The following MAPK12 variants were observed in gnomAD, a reference collection of about 807,000 sequenced individuals.
MAPK12 encodes MAP kinase 12.
In MAPK12, 49 loss-of-function variants were observed where a neutral mutation model predicts 49.1. That is an observed-to-expected ratio of 1.00 (90% CI 0.79 to 1.27). The LOEUF (loss-of-function observed/expected upper bound fraction) is 1.27. Among genes scored for constraint, MAPK12 ranks in the 50% most tolerant of loss-of-function variants. The pLI is 0.00. For synonymous variants in MAPK12, 251 were observed against 209.7 expected (o/e 1.20, Z -1.70); for missense variants, 554 against 502.4 (o/e 1.10, Z -0.98).
At chr22:50,260,228 G>A (rs962039811) in intron 2 of MAPK12, among the ~76,000 whole-genome samples, 1 of 17,130 alleles carries the variant, frequency 5.8e-5, no homozygotes, top group African/African-American at 2.2e-4. Flanking sequence ...ACCGGGGGAC[G>A]GGGCACTTTG....
chr22:50,259,871 C>A (rs896055107), intron 2 of MAPK12, among the ~76,000 whole-genome samples: 1 of 145,164 alleles, frequency 6.9e-6, no homozygotes, highest in Non-Finnish European at 1.5e-5. Flanking sequence ...GCAACAAGAG[C>A]GAAACTCGGT....
chr22:50,255,829 C>CA lies in MAPK12; in HGVS notation c.671_672insT (p.Leu225AlafsTer24), dbSNP rs2065144388. ...GGATACGGTCGCTGCCCTTGAACAG[C>CA]GTCTTGCCTGTGATCATCTCCGCCA... is the stretch of plus-strand genomic sequence containing the variant. On this transcript the variant is annotated frameshift_variant, in exon 8 of 12. Coordinates refer to ENST00000215659, the MANE Select transcript of MAPK12 (RefSeq NM_002969.6). LOFTEE classifies it high-confidence loss of function. The CA allele has an allele frequency of 1.2e-6, 2 of 1,612,760 alleles. No homozygotes were observed. The highest frequency in any genetic ancestry group is 1.7e-6 in the Non-Finnish European group (2 of 1,180,008).
chr22:50,255,578 G>GCCCCCCCCCCCCCCCCCCACCCCCCCCCC, intron 9 of MAPK12, 37 bp downstream of exon 9: 1 of 1,581,972 alleles, frequency 6.3e-7, no homozygotes, highest in Non-Finnish European at 8.7e-7. Context: ...GCCCAGGTCC[G>GCCCCCCCCCCCCCCCCCCACCCCCCCCCC]CCCCCACCCC....
At chr22:50,260,520 C>T (rs1036599280) in intron 2 of MAPK12, among the ~76,000 whole-genome samples, 5 of 152,126 alleles carry the variant, frequency 3.3e-5, no homozygotes, top group African/African-American at 9.7e-5. Flanking sequence ...GGCAGCTGTA[C>T]GTGGCATCTC....
At chr22:50,258,773 G>C (rs1470915567) in intron 2 of MAPK12, among the ~76,000 whole-genome samples, 4 of 152,264 alleles carry the variant, frequency 2.6e-5, no homozygotes, top group Non-Finnish European at 5.9e-5. Flanking sequence ...TGGGGAGATA[G>C]ACAGTAGACA....
chr22:50,254,913 T>A, intron 11 of MAPK12: 1 of 1,316,848 alleles, frequency 7.6e-7, no homozygotes, highest in Non-Finnish European at 9.8e-7. Flanking sequence ...TCCCTTCAAC[T>A]TCCAGCTCCA....
rs771125320 is a variant in MAPK12, at chr22:50,258,260, C to T, written c.297G>A (p.Leu99=). The part of the protein sequence containing the change: ...LLDVFTPDET[L]DDFTDFYLVM... ...GCACTCACAAGTCCGTGAAGTCATC[C>T]AGGGTCTCATCAGGAGTGAATACGT... is the stretch of plus-strand genomic sequence containing the variant. The change falls in exon 3 of 12, where the codon CTG becomes CTA. Residue 99 remains leucine, a synonymous_variant. Transcript: ENST00000215659. 1 of 1,613,166 alleles carries T rather than the reference C, an allele frequency of 6.2e-7. No homozygotes were observed. The highest frequency in any genetic ancestry group is 8.5e-7 in the Non-Finnish European group (1 of 1,179,994).
chr22:50,257,034 GC>G, intron 4 of MAPK12, 47 bp downstream of exon 4: 2 of 1,603,942 alleles, frequency 1.2e-6, no homozygotes, highest in Non-Finnish European at 1.7e-6. Flanking sequence ...CCTCTGCCCA[GC>G]CCCGAGGCCC....
At chr22:50,261,320 G>T (rs540689293) in intron 1 of MAPK12, 24 bp from the exon 2 acceptor site, 240 of 1,344,774 alleles carry the variant, frequency 1.8e-4, no homozygotes, top group Admixed American at 4.3e-4. Flanking sequence ...CGCTTAGCGG[G>T]AAGGCCGGGC....
intron 11 of MAPK12, chr22:50,254,880 G>A (rs1419260927): frequency 1.0e-5 from 13 of 1,245,670 alleles, no homozygotes; most frequent in African/African-American, 1.5e-5. Context: ...CAGCCTCTGT[G>A]CTGAGCCTGC....
chr22:50,261,361 C>A, intron 1 of MAPK12, 24 bp downstream of exon 1: 1 of 1,131,154 alleles, frequency 8.8e-7, no homozygotes, highest in Non-Finnish European at 1.1e-6. Context: ...GCCCCGCCGG[C>A]CGCCCCGCCC....
chr22:50,261,669 C>A lies in MAPK12; in HGVS notation c.-160G>T. On this transcript the variant is annotated 5_prime_UTR_variant, in exon 1 of 12. Coordinates refer to ENST00000215659, the MANE Select transcript of MAPK12 (RefSeq NM_002969.6). ...GGGGCGCTCCCGCTCCCGGCCCTTCCCTCAGGGATGTCCCAGGTGCCGACC... is the reference window on the plus strand; with the variant it reads ...GGGGCGCTCCCGCTCCCGGCCCTTCACTCAGGGATGTCCCAGGTGCCGACC... The A allele has an allele frequency of 1.2e-6, 1 of 811,884 alleles. No individual in the cohort carries two copies. Among genetic ancestry groups the A allele is most frequent in the Non-Finnish European group, 1.5e-6 (1 of 670,430 alleles). 50.3% of individuals were successfully genotyped at this position (811,884 alleles called of 1,614,324 possible).
At position 50,255,249 on chromosome 22, in the gene MAPK12, C is replaced by G. The variant is rs764596006; in HGVS notation, c.972G>C (p.Gln324His). Residue 324 changes from glutamine (Q) to histidine (H), a missense_variant, in exon 11 of 12, where the codon CAG becomes CAC. Coordinates refer to ENST00000215659, the MANE Select transcript of MAPK12 (RefSeq NM_002969.6). Reference sequence around the variant, plus strand: ...CGTCGTCAAAGGAGTCATCATACTTCTGGACCTGGGGCTCATCTTCCGTGT... The same window carrying G: ...CGTCGTCAAAGGAGTCATCATACTTGTGGACCTGGGGCTCATCTTCCGTGT... The part of the protein sequence containing the change: ...LHDTEDEPQV[Q>H]KYDDSFDDVD... 3 of 1,613,990 alleles carry G rather than the reference C, an allele frequency of 1.9e-6. No homozygotes were observed. Among genetic ancestry groups the G allele is most frequent in the Non-Finnish European group, 8.5e-7 (1 of 1,180,026 alleles).
rs1389268959 is a variant in MAPK12 at position 50,253,368 on chromosome 22, G to A, written c.*33C>T. On this transcript the variant is annotated 3_prime_UTR_variant, in exon 12 of 12. Transcript: ENST00000215659. The stretch of plus-strand genomic sequence containing the variant: ...CCCCTCTCAGGTGGAAGGTGAAGGT[G>A]GTCCTCACTGCCACCCCGGAGCCCA... 2.7e-6 allele frequency: 4 copies of A among 1,474,118 alleles called. No homozygotes were observed. The highest frequency in any genetic ancestry group is 2.5e-5 in the East Asian group (1 of 40,540). The allele number at this position is 1,474,118 out of a possible 1,614,324, so 91.3% of individuals were successfully genotyped here. A position where few individuals can be genotyped will look rare whatever the true frequency, so the allele number is the denominator to read the frequency against.
chr22:50,254,706 G>A, intron 11 of MAPK12: 16 of 1,058,306 alleles, frequency 1.5e-5, no homozygotes, highest in Non-Finnish European at 1.6e-5. Flanking sequence ...GGTGTGAGCA[G>A]AGAGGCCTTA....
intron 11 of MAPK12, 195 bp downstream of exon 11, chr22:50,255,002 G>A (rs2065132950): frequency 1.4e-6 from 2 of 1,460,048 alleles, no homozygotes; most frequent in East Asian, 2.5e-5. Context: ...CTGCATCCCA[G>A]GGATGGGGAT....
rs1569144696 is a variant in MAPK12, at chr22:50,261,341, G to GGCCCCGCCC, written c.125+35_125+43dup. 30 of 1,171,256 alleles carry GGCCCCGCCC rather than the reference G, an allele frequency of 2.6e-5. 1 individual carries two copies. The South Asian group carries it at 4.0e-4, about 15-fold the overall frequency. The allele number at this position is 1,171,256 out of a possible 1,614,324, so 72.6% of individuals were successfully genotyped here. ...GCGGGAAGGCCGGGCACCCCGCGCA[G>GGCCCCGCCC]GCCCCGCCCGCCCCGCCGGCCGCCC... is the stretch of plus-strand genomic sequence containing the variant. On this transcript the variant is annotated intron_variant, in intron 1 of 11. Transcript: ENST00000215659.
chr22:50,257,830 C>T, intron 3 of MAPK12: 1 of 723,070 alleles, frequency 1.4e-6, no homozygotes, highest in Non-Finnish European at 2.6e-6. Context: ...TGGTCGGCTG[C>T]AGGGCAGGGG....
chr22:50,260,672 C>T (rs1268855061), intron 2 of MAPK12, among the ~76,000 whole-genome samples: 2 of 152,190 alleles, frequency 1.3e-5, no homozygotes, highest in East Asian at 1.9e-4. Context: ...ACACTCCCTG[C>T]GTTCTGGCGC....
Sources: allele counts gnomAD v4.1 joint callset (sites outside exome capture counted in the v4.1 genomes callset), GRCh38; gene constraint gnomAD v4.1.1; transcripts MANE v1.5; gene names NCBI Gene and HGNC (gene_info 2026-07-23, HGNC 2026-07-21).